Variants in PDGFRA observed in about 807,000 individuals in gnomAD.
PDGFRA encodes platelet derived growth factor receptor alpha, also known as platelet-derived growth factor receptor alpha.
PDGFRA carries 25 observed loss-of-function variants against 121.5 expected under a neutral mutation model. The observed-to-expected ratio is 0.21, with a 90% CI of 0.15 to 0.29. The LOEUF is 0.29. Ranked by LOEUF, PDGFRA falls within the 10% of genes least tolerant of loss-of-function variation. PDGFRA has a pLI of 1.00. For missense variants in PDGFRA, 1,008 were observed against 1,345.1 expected (o/e 0.75, Z 3.92); for synonymous variants, 463 against 494.8 (o/e 0.94, Z 0.85).
chr4:54,289,933 C>T (rs1348642327), intron 21 of PDGFRA, among the ~76,000 whole-genome samples: 2 of 152,194 alleles, frequency 1.3e-5, no homozygotes, highest in African/African-American at 2.4e-5. Flanking sequence ...TTAGACCTCT[C>T]CAATGTTTAA....
rs1377466927 is a variant in PDGFRA, at chr4:54,278,437, T to A, written c.2078T>A (p.Phe693Tyr). 1 of 1,613,768 alleles carries A rather than the reference T, an allele frequency of 6.2e-7. No homozygotes were observed. The highest frequency in any genetic ancestry group is 8.5e-7 in the Non-Finnish European group (1 of 1,179,866). The change falls in exon 15 of 23, where the codon TTC becomes TAC. Residue 693 changes from phenylalanine (F) to tyrosine (Y), a missense_variant. Around this residue, in one of 5 missense-constraint regions of PDGFRA, gnomAD observed 128 missense variants for 147.6 expected, o/e 0.87. Transcript: ENST00000257290. ...TATTTGCATAAGAATAGGGATAGCT[T>A]CCTGAGCCACCACCCAGAGAAGCCA... is the stretch of plus-strand genomic sequence containing the variant. ...VNYLHKNRDS[F>Y]LSHHPEKPKK...
chr4:54,280,691 A>C (rs1437491959), intron 16 of PDGFRA: 4 of 432,042 alleles, frequency 9.3e-6, no homozygotes, highest in East Asian at 7.0e-5. Flanking sequence ...CAATGTAACA[A>C]ATTTTTTAAA....
chr4:54,265,914 T>A (rs997676329), intron 5 of PDGFRA, among the ~76,000 whole-genome samples: 1 of 152,250 alleles, frequency 6.6e-6, no homozygotes, highest in Non-Finnish European at 1.5e-5. Flanking sequence ...CAGCTTTCTG[T>A]CCTTCTATCC....
intron 8 of PDGFRA, 27 bp from the exon 9 acceptor site, chr4:54,272,367 A>T: frequency 1.2e-6 from 2 of 1,613,494 alleles, no homozygotes; most frequent in Non-Finnish European, 1.7e-6. Context: ...GAGCTATTCC[A>T]TTCTGACTTC....
At chr4:54,288,921 G>C (rs2110345299) in intron 20 of PDGFRA, 23 bp downstream of exon 20, 2 of 1,576,238 alleles carry the variant, frequency 1.3e-6, no homozygotes, top group Non-Finnish European at 1.7e-6. Flanking sequence ...CCCATCCCGG[G>C]GGCCTGTGTT....
chr4:54,250,261 G>T (rs566211690), intron 1 of PDGFRA, among the ~76,000 whole-genome samples: 1 of 152,280 alleles, frequency 6.6e-6, no homozygotes, highest in South Asian at 2.1e-4. Context: ...GCTTTATGGT[G>T]ACCTGGGATT....
chr4:54,233,947 C>T (rs903728940), intron 1 of PDGFRA, among the ~76,000 whole-genome samples: 4 of 152,216 alleles, frequency 2.6e-5, no homozygotes, highest in Admixed American at 6.5e-5. Flanking sequence ...GGCGGTGGCG[C>T]GCGGACAGAT....
In PDGFRA at chr4:54,290,469, A is replaced by T; in HGVS notation, c.3037A>T (p.Ser1013Cys). 6.2e-7 allele frequency: 1 copy of T among 1,613,776 alleles called. No homozygotes were observed. The highest frequency in any genetic ancestry group is 1.1e-5 in the South Asian group (1 of 91,076). Residue 1013 changes from serine (S) to cysteine (C), a missense_variant, in exon 22 of 23, where the codon AGC becomes TGC. Around this residue, in one of 5 missense-constraint regions of PDGFRA, gnomAD observed 204 missense variants for 243.0 expected, o/e 0.84. Transcript: ENST00000257290. ...WEGGLDEQRL[S>C]ADSGYIIPLP... ...GGGTGGTCTGGATGAGCAGAGACTG[A>T]GCGCTGACAGTGGCTACATCATTCC...
chr4:54,255,799 C>T (rs957841753), intron 1 of PDGFRA, among the ~76,000 whole-genome samples: 2 of 152,002 alleles, frequency 1.3e-5, no homozygotes, highest in African/African-American at 4.8e-5. Flanking sequence ...GCCACTGCGC[C>T]CTTCCCTCCT....
chr4:54,259,762 A>T (rs1437536700), intron 2 of PDGFRA, among the ~76,000 whole-genome samples: 1 of 152,206 alleles, frequency 6.6e-6, no homozygotes, highest in Non-Finnish European at 1.5e-5. Context: ...TACAAATCCT[A>T]TCTTAACAAG....
At chr4:54,263,195 TA>T (rs1722847754) in intron 3 of PDGFRA, among the ~76,000 whole-genome samples, 1 of 152,242 alleles carries the variant, frequency 6.6e-6, no homozygotes, top group South Asian at 2.1e-4. Context: ...AAACTCGAAA[TA>T]TTTTTTCCTG....
At chr4:54,234,136 G>A (rs1347599243) in intron 1 of PDGFRA, among the ~76,000 whole-genome samples, 1 of 152,236 alleles carries the variant, frequency 6.6e-6, no homozygotes, top group Non-Finnish European at 1.5e-5. Context: ...TCTTCCCGAA[G>A]CCCCGCTGCC....
chr4:54,230,486 G>T, intron 1 of PDGFRA: 1 of 152,444 alleles, frequency 6.6e-6, no homozygotes. Context: ...GCATTGCCCG[G>T]GGGCTCTGCT....
In PDGFRA at chr4:54,270,648, A is replaced by G. The variant is rs746195598; in HGVS notation, c.1137A>G (p.Leu379=). ...KIQEIRYRSK[L]KLIRAKEEDS... ...TTTTTAAAAGGTATCGAAGCAAATT[A>G]AAGCTGATCCGTGCTAAGGAAGAAG... The change falls in exon 8 of 23, where the codon TTA becomes TTG. Residue 379 remains leucine (L), a synonymous_variant. Transcript: ENST00000257290. The G allele has an allele frequency of 1.5e-5, 24 of 1,606,992 alleles. No individual in the cohort carries two copies. Among genetic ancestry groups the G allele is most frequent in the Non-Finnish European group, 2.0e-5 (23 of 1,173,740 alleles).
intron 1 of PDGFRA, among the ~76,000 whole-genome samples, chr4:54,234,588 G>T (rs1297633057): frequency 6.6e-6 from 1 of 152,224 alleles, no homozygotes; most frequent in African/African-American, 2.4e-5. Flanking sequence ...TACAAGAATT[G>T]CTGGAAGACA....
At position 54,278,535 on chromosome 4, in the gene PDGFRA, T is replaced by C. The variant is rs1350952345; in HGVS notation, c.2156+20T>C. The C allele has an allele frequency of 6.2e-7, 1 of 1,610,598 alleles. No individual in the cohort carries two copies. Among genetic ancestry groups the C allele is most frequent in the Non-Finnish European group, 8.5e-7 (1 of 1,176,924 alleles). On this transcript the variant is annotated intron_variant, in intron 15 of 22. Coordinates refer to ENST00000257290, the MANE Select transcript of PDGFRA (RefSeq NM_006206.6). ...ACGGAGGTGGGTGCAAAGAGAGATG[T>C]TGCTGTCTATCATTATCTTACAGGC...
At chr4:54,276,537 C>T (rs371487046) in intron 12 of PDGFRA, among the ~76,000 whole-genome samples, 3 of 152,118 alleles carry the variant, frequency 2.0e-5, no homozygotes, top group African/African-American at 7.2e-5. Flanking sequence ...GCCTATTTCC[C>T]AACAAGGGAT....
intron 12 of PDGFRA, 138 bp downstream of exon 12, chr4:54,275,111 A>C: frequency 1.1e-6 from 1 of 877,542 alleles, no homozygotes; most frequent in South Asian, 1.4e-5. Flanking sequence ...TCAGAAATAC[A>C]TTTCTGTCTT....
At chr4:54,286,237 A>G (rs1173877814) in intron 18 of PDGFRA, among the ~76,000 whole-genome samples, 3 of 152,150 alleles carry the variant, frequency 2.0e-5, no homozygotes, top group Admixed American at 6.5e-5. Flanking sequence ...CTGAGTTGCT[A>G]TGGGGATTAA....
Sources: allele counts gnomAD v4.1 joint callset (sites outside exome capture counted in the v4.1 genomes callset), GRCh38; gene constraint gnomAD v4.1.1; regional missense constraint gnomAD v4.1.1; transcripts MANE v1.5; gene names NCBI Gene and HGNC (gene_info 2026-07-23, HGNC 2026-07-21).